Variants in CCDC18 observed in about 807,000 individuals in gnomAD.
CCDC18 encodes coiled-coil domain containing 18, also known as coiled-coil domain-containing protein 18.
CCDC18 carries 157 observed loss-of-function variants against 196.0 expected under a neutral mutation model. The observed-to-expected ratio is 0.80, with a 90% CI of 0.70 to 0.91. The LOEUF is 0.91. Among genes scored for constraint, CCDC18 ranks in the 40% least tolerant of loss-of-function variants. CCDC18 has a pLI of 0.00. For synonymous variants in CCDC18, 482 were observed against 529.2 expected (o/e 0.91, Z 1.22); for missense variants, 1,465 against 1,611.6 (o/e 0.91, Z 1.56).
intron 5 of CCDC18, among the ~76,000 whole-genome samples, chr1:93,192,600 G>A (rs1652013076): frequency 1.3e-5 from 2 of 152,066 alleles, no homozygotes; most frequent in Non-Finnish European, 1.5e-5. Flanking sequence ...GCCCAGCTAA[G>A]CTTTTTATTT....
chr1:93,183,855 A>G (rs534084947), intron 2 of CCDC18, 123 bp from the exon 3 acceptor site: 2 of 526,826 alleles, frequency 3.8e-6, no homozygotes, highest in South Asian at 1.2e-4. Context: ...ACATTGCCTT[A>G]TGTTCATAAC....
chr1:93,241,098 G>T (rs1374641097), intron 21 of CCDC18, among the ~76,000 whole-genome samples: 1 of 151,988 alleles, frequency 6.6e-6, no homozygotes, highest in Non-Finnish European at 1.5e-5. Flanking sequence ...GGGATTACAG[G>T]CACCTGCCAC....
At chr1:93,196,986 A>C (rs920719288) in intron 6 of CCDC18, among the ~76,000 whole-genome samples, 2 of 152,234 alleles carry the variant, frequency 1.3e-5, no homozygotes, top group African/African-American at 2.4e-5. Flanking sequence ...ACTGAGTGAT[A>C]TAAAAAATGC....
At chr1:93,249,435 T>A (rs1169372957) in intron 23 of CCDC18, among the ~76,000 whole-genome samples, 1 of 152,204 alleles carries the variant, frequency 6.6e-6, no homozygotes, top group Non-Finnish European at 1.5e-5. Context: ...TCTGTATTGT[T>A]TTATAGTCTC....
intron 23 of CCDC18, among the ~76,000 whole-genome samples, chr1:93,249,980 T>C (rs1366647033): frequency 6.6e-6 from 1 of 152,168 alleles, no homozygotes; most frequent in Non-Finnish European, 1.5e-5. Context: ...ACTCACCCTT[T>C]GTTCATTCAG....
chr1:93,257,114 C>T (rs1244754979), intron 25 of CCDC18, among the ~76,000 whole-genome samples: 2 of 151,618 alleles, frequency 1.3e-5, no homozygotes, highest in African/African-American at 4.8e-5. Context: ...CACCTATAGT[C>T]CCAGCTACTC....
chr1:93,276,555 A>AAAAT (rs1665630723), intron 28 of CCDC18, among the ~76,000 whole-genome samples: 3 of 152,338 alleles, frequency 2.0e-5, no homozygotes, highest in Admixed American at 6.5e-5. Context: ...AGTAAGATGA[A>AAAAT]AAATAAGAAA....
Position 93,221,844 on chromosome 1 carries a change from T to C in CCDC18, c.2098-15T>C, listed in dbSNP as rs1657481930. ...AATCAAATCTGCATACTTATACTTT[T>C]CTTACTGTTTTTAGGAAATGAAAAA... On this transcript the variant is annotated splice_polypyrimidine_tract_variant and intron_variant, in intron 15 of 28. Transcript: ENST00000690025. 2 of 1,591,140 alleles carry C rather than the reference T, an allele frequency of 1.3e-6. No homozygotes were observed.
chr1:93,210,460 C>T (rs995734322), intron 9 of CCDC18, among the ~76,000 whole-genome samples: 2 of 152,050 alleles, frequency 1.3e-5, no homozygotes, highest in African/African-American at 2.4e-5. Context: ...GTATCCTTCT[C>T]GTCCATGTTT....
chr1:93,235,881 G>T (rs1005262252), intron 18 of CCDC18, among the ~76,000 whole-genome samples: 2 of 152,142 alleles, frequency 1.3e-5, no homozygotes, highest in African/African-American at 4.8e-5. Context: ...ATTAGCATTT[G>T]AGGTCATGTG....
intron 4 of CCDC18, among the ~76,000 whole-genome samples, chr1:93,187,519 C>T (rs964921552): frequency 1.3e-5 from 2 of 151,922 alleles, no homozygotes; most frequent in African/African-American, 2.4e-5. Context: ...TTGATAATTT[C>T]GAGAGAGACT....
intron 4 of CCDC18, chr1:93,191,111 A>G (rs2101626838): frequency 5.4e-6 from 3 of 553,816 alleles, no homozygotes; most frequent in Admixed American, 5.3e-5. Flanking sequence ...TTTTGGAGCA[A>G]TTGAGTTTCT....
At chr1:93,261,695 A>C (rs1663818290) in intron 26 of CCDC18, among the ~76,000 whole-genome samples, 1 of 152,180 alleles carries the variant, frequency 6.6e-6, no homozygotes, top group African/African-American at 2.4e-5. Context: ...ATGGAGTTTA[A>C]CATAAATGTT....
rs1557587044 is a variant in CCDC18 at position 93,180,835 on chromosome 1, G to T, written c.-20G>T. 7.3e-7 allele frequency: 1 copy of T among 1,367,684 alleles called. No individual in the cohort carries two copies. Among genetic ancestry groups the T allele is most frequent in the Middle Eastern group, 2.1e-4 (1 of 4,768 alleles). 84.7% of individuals were successfully genotyped at this position (1,367,684 alleles called of 1,614,324 possible). A position where few individuals can be genotyped will look rare whatever the true frequency, so the allele number is the denominator to read the frequency against. Reference sequence around the variant, plus strand: ...GGCTTCCTAACGCAGACTCGAGTGCGAAGCGCGCAGTCGCCGGGTGGGTCT... The same window carrying T: ...GGCTTCCTAACGCAGACTCGAGTGCTAAGCGCGCAGTCGCCGGGTGGGTCT... On this transcript the variant is annotated 5_prime_UTR_variant, in exon 1 of 29. Coordinates refer to ENST00000690025, the MANE Select transcript of CCDC18 (RefSeq NM_001378204.1).
At chr1:93,224,212 C>T (rs1022893635) in intron 16 of CCDC18, among the ~76,000 whole-genome samples, 2 of 152,116 alleles carry the variant, frequency 1.3e-5, no homozygotes, top group African/African-American at 4.8e-5. Flanking sequence ...TCTACACATA[C>T]ACATGCATGC....
rs1366033081 is a variant in CCDC18, at chr1:93,221,947, T to G, written c.2175+11T>G. On this transcript the variant is annotated intron_variant, in intron 16 of 28. Coordinates refer to ENST00000690025, the MANE Select transcript of CCDC18 (RefSeq NM_001378204.1). Reference sequence around the variant, plus strand: ...GAAGAAACAATCAAGGCTAGTATGCTAATACTTTATTTTTCTTTCTTTCCT... The same window carrying G: ...GAAGAAACAATCAAGGCTAGTATGCGAATACTTTATTTTTCTTTCTTTCCT... 1.0e-5 allele frequency: 15 copies of G among 1,490,662 alleles called. No homozygotes were observed. The highest frequency in any genetic ancestry group is 1.4e-5 in the Non-Finnish European group (15 of 1,096,330). The allele number at this position is 1,490,662 out of a possible 1,614,324, so 92.3% of individuals were successfully genotyped here.
At chr1:93,233,846 T>C (rs1228052974) in intron 18 of CCDC18, among the ~76,000 whole-genome samples, 2 of 152,084 alleles carry the variant, frequency 1.3e-5, no homozygotes, top group East Asian at 3.9e-4. Context: ...ATCCACCCAC[T>C]TGGGCCTCCC....
At chr1:93,264,499 C>G (rs1664230141) in intron 26 of CCDC18, 1 of 418,402 alleles carries the variant, frequency 2.4e-6, no homozygotes. Flanking sequence ...TAATTAAGTT[C>G]TTAAGTAAAT....
intron 8 of CCDC18, among the ~76,000 whole-genome samples, chr1:93,206,408 C>T (rs186436977): frequency 4.6e-5 from 7 of 152,138 alleles, no homozygotes; most frequent in Admixed American, 2.0e-4. Context: ...AATTTTTATA[C>T]TTCATGAAAG....
Sources: gnomAD v4.1 joint callset for allele counts (sites outside exome capture counted in the v4.1 genomes callset) on GRCh38, gnomAD v4.1.1 for gene constraint, MANE v1.5 for transcripts, NCBI Gene and HGNC (gene_info 2026-07-23, HGNC 2026-07-21) for gene names.